Variants in ABCB1 observed in about 807,000 individuals in gnomAD.
ABCB1 encodes the protein ATP-dependent translocase ABCB1.
In ABCB1, 69 loss-of-function variants were observed where a neutral mutation model predicts 142.0. That is an observed-to-expected ratio of 0.49 (90% confidence interval 0.40 to 0.59). The LOEUF (loss-of-function observed/expected upper bound fraction) is 0.59, where lower values mean the gene tolerates loss of function less well. ABCB1 is among the 20% of genes least tolerant of loss of function. ABCB1 has a pLI of 0.00. For missense variants in ABCB1, 1,326 were observed against 1,554.7 expected, an observed-to-expected ratio of 0.85 and a Z score of 2.47; for synonymous variants, 532 against 539.2, an observed-to-expected ratio of 0.99 and a Z score of 0.18.
intron 4 of ABCB1, among the ~76,000 whole-genome samples, chr7:87,582,864 C>T (rs942874715): frequency 1.3e-5 from 2 of 151,704 alleles, no homozygotes; most frequent in Admixed American, 1.3e-4. Context: ...TAGTTCACAC[C>T]CTGTACAAAA....
At chr7:87,561,521 C>T in intron 7 of ABCB1, 134 bp from the exon 8 acceptor site, 1 of 902,310 alleles carries the variant, frequency 1.1e-6, no homozygotes, top group Non-Finnish European at 1.7e-6. Context: ...TTTTACTTGC[C>T]TTTGGTCTGT....
At chr7:87,581,469 CA>C (rs896824560) in intron 4 of ABCB1, among the ~76,000 whole-genome samples, 33 of 146,472 alleles carry the variant, frequency 2.3e-4, no homozygotes, top group East Asian at 4.0e-4. Flanking sequence ...GCTTTGTTTA[CA>C]AAAAAAAAAG....
At chr7:87,509,526 T>C (rs1814912054) in intron 25 of ABCB1, 45 bp from the exon 26 acceptor site, 2 of 1,571,186 alleles carry the variant, frequency 1.3e-6, no homozygotes, top group Admixed American at 1.7e-5. Context: ...CAGCACACTT[T>C]GAATGTAGCA....
At chr7:87,523,311 G>A (rs74841781) in intron 21 of ABCB1, among the ~76,000 whole-genome samples, 2 of 152,192 alleles carry the variant, frequency 1.3e-5, no homozygotes, top group East Asian at 3.9e-4. Flanking sequence ...AAGGAATGTG[G>A]CACATACTAT....
At chr7:87,618,324 A>G (rs1445619225) in intron 1 of ABCB1, among the ~76,000 whole-genome samples, 1 of 152,198 alleles carries the variant, frequency 6.6e-6, no homozygotes, top group Non-Finnish European at 1.5e-5. Context: ...TTTGCTCACC[A>G]TTGTACACCC....
intron 9 of ABCB1, among the ~76,000 whole-genome samples, chr7:87,551,073 G>A (rs928509434): frequency 6.6e-6 from 1 of 152,094 alleles, no homozygotes; most frequent in African/African-American, 2.4e-5. Context: ...CCAGGATGGA[G>A]TGCAGTGGTG....
intron 1 of ABCB1, among the ~76,000 whole-genome samples, chr7:87,675,687 GGAAA>G (rs1209230941): frequency 7.5e-6 from 1 of 134,174 alleles, no homozygotes; most frequent in Non-Finnish European, 1.6e-5. Flanking sequence ...AAAGAAAGAA[GGAAA>G]GAAAGAAAAC....
chr7:87,504,615 C>T (rs541406960), intron 27 of ABCB1, among the ~76,000 whole-genome samples, 166 bp from the exon 28 acceptor site: 2 of 152,244 alleles, frequency 1.3e-5, no homozygotes, highest in Non-Finnish European at 2.9e-5. Context: ...ACCATCCTGG[C>T]TAACACGGTG....
At chr7:87,626,930 C>T (rs550461695) in intron 1 of ABCB1, among the ~76,000 whole-genome samples, 2 of 152,140 alleles carry the variant, frequency 1.3e-5, no homozygotes, top group Non-Finnish European at 2.9e-5. Flanking sequence ...CGCGTGCCAC[C>T]ACACCCGGCT....
chr7:87,620,265 A>C (rs759461074), intron 1 of ABCB1, among the ~76,000 whole-genome samples: 1 of 151,906 alleles, frequency 6.6e-6, no homozygotes, highest in Non-Finnish European at 1.5e-5. Context: ...GGTTCAAGTA[A>C]TTCTTCTGCT....
intron 1 of ABCB1, 96 bp from the exon 2 acceptor site, chr7:87,600,286 G>GT: frequency 9.9e-7 from 1 of 1,009,364 alleles, no homozygotes; most frequent in Non-Finnish European, 1.5e-6. Context: ...CCAGAGAGCA[G>GT]TAAGAGGGAG....
intron 1 of ABCB1, among the ~76,000 whole-genome samples, chr7:87,632,438 G>T (rs1194687147): frequency 6.6e-6 from 1 of 152,108 alleles, no homozygotes; most frequent in African/African-American, 2.4e-5. Context: ...AAAAACATTT[G>T]CATAGTCCTT....
At chr7:87,543,584 T>G (rs1456642293) in intron 17 of ABCB1, among the ~76,000 whole-genome samples, 1 of 152,188 alleles carries the variant, frequency 6.6e-6, no homozygotes, top group Non-Finnish European at 1.5e-5. Context: ...ACTTTACTGT[T>G]GAAAATGCCA....
rs1464605006 is a variant in ABCB1 at position 87,626,418 on chromosome 7, ATG to A, written c.-330-25342_-330-25341del. Among the ~76,000 whole-genome samples the A allele has an allele frequency of 1.8e-4, 4 of 22,512 alleles. 2 individuals carry two copies. The highest frequency in any genetic ancestry group is 2.5e-4 in the Non-Finnish European group (4 of 16,286). 14.8% of individuals were successfully genotyped at this position (22,512 alleles called of 152,430 possible). On this transcript the variant is annotated intron_variant, in intron 1 of 28. Transcript: ENST00000265724. The stretch of plus-strand genomic sequence containing the variant: ...TGTGTCATATGTATGTGTCATATAT[ATG>A]TGTCATATGTATGTGTCATATATGT...
intron 7 of ABCB1, among the ~76,000 whole-genome samples, chr7:87,562,278 G>C (rs552049750): frequency 2.0e-5 from 3 of 152,166 alleles, no homozygotes; most frequent in African/African-American, 7.2e-5. Flanking sequence ...TGTGCTGCAC[G>C]TACCTAGCCT....
intron 4 of ABCB1, among the ~76,000 whole-genome samples, chr7:87,578,431 C>CT (rs1053726138): frequency 6.6e-6 from 1 of 152,020 alleles, no homozygotes; most frequent in Non-Finnish European, 1.5e-5. Context: ...TGTTAGGATT[C>CT]TTTTTTCTAT....
At chr7:87,683,266 T>G (rs1827112227) in intron 1 of ABCB1, among the ~76,000 whole-genome samples, 1 of 152,198 alleles carries the variant, frequency 6.6e-6, no homozygotes, top group African/African-American at 2.4e-5. Context: ...TTTCTTCATA[T>G]CAGCAATAAG....
At chr7:87,616,370 G>A (rs145447409) in intron 1 of ABCB1, among the ~76,000 whole-genome samples, 1 of 152,304 alleles carries the variant, frequency 6.6e-6, no homozygotes, top group East Asian at 1.9e-4. Context: ...ATGAAGAAGG[G>A]GAAATATGTG....
intron 4 of ABCB1, among the ~76,000 whole-genome samples, chr7:87,581,164 C>G (rs916076669): frequency 2.0e-5 from 3 of 151,984 alleles, no homozygotes; most frequent in African/African-American, 7.3e-5. Flanking sequence ...ACTATCTTGC[C>G]CAGGCTAGCC....
Sources: gnomAD v4.1 joint callset for allele counts (sites outside exome capture counted in the v4.1 genomes callset) on GRCh38, gnomAD v4.1.1 for gene constraint, MANE v1.5 for transcripts, NCBI Gene and HGNC (gene_info 2026-07-23, HGNC 2026-07-21) for gene names.